MYO7A: variants seen among roughly 807,000 people sequenced by gnomAD.
MYO7A encodes the protein unconventional myosin-VIIa.
Under a neutral mutation model 263.8 loss-of-function variants are expected in MYO7A, and 210 were observed. The observed-to-expected ratio is 0.80, with a 90% CI of 0.71 to 0.89. The LOEUF is 0.89. Among genes scored for constraint, MYO7A ranks in the 40% least tolerant of loss-of-function variants. MYO7A has a pLI of 0.00. For missense variants in MYO7A, 2,820 were observed against 2,968.3 expected, an observed-to-expected ratio of 0.95 and a Z score of 1.16; for synonymous variants, 1,239 against 1,197.3, an observed-to-expected ratio of 1.03 and a Z score of -0.72.
At chr11:77,189,527 CTG>C (rs1555090540) in intron 28 of MYO7A, 57 bp downstream of exon 28, 2 of 1,604,610 alleles carry the variant, frequency 1.2e-6, no homozygotes, top group East Asian at 4.5e-5. Flanking sequence ...TGTCCCAGCA[CTG>C]TGGGGAGAGC....
At chr11:77,182,649 AGGGCCGCT>A (rs1555085638) in intron 25 of MYO7A, 49 bp downstream of exon 25, 5 of 1,599,100 alleles carry the variant, frequency 3.1e-6, no homozygotes, top group Non-Finnish European at 3.4e-6. Flanking sequence ...GCCGACAAGG[AGGGCCGCT>A]GGCATCACCA....
intron 3 of MYO7A, among the ~76,000 whole-genome samples, chr11:77,144,053 C>G (rs1555052348): frequency 2.0e-5 from 3 of 152,184 alleles, no homozygotes; most frequent in Non-Finnish European, 2.9e-5. Context: ...AGGGACCACA[C>G]AGCCAGTCAC....
chr11:77,158,031 T>G (rs531872158), intron 8 of MYO7A, among the ~76,000 whole-genome samples: 1 of 152,282 alleles, frequency 6.6e-6, no homozygotes, highest in South Asian at 2.1e-4. Context: ...TGCCTGCTCT[T>G]CATGGGAAGA....
At chr11:77,213,185 C>T in intron 47 of MYO7A, 150 bp downstream of exon 47, 4 of 674,604 alleles carry the variant, frequency 5.9e-6, no homozygotes, top group Non-Finnish European at 1.0e-5. Flanking sequence ...TCAGCGTTTG[C>T]TAGGACTTTA....
chr11:77,142,870 T>A, intron 3 of MYO7A, 48 bp downstream of exon 3: 1 of 1,440,806 alleles, frequency 6.9e-7, no homozygotes, highest in Non-Finnish European at 9.6e-7. Context: ...GGGTCAGACC[T>A]GGGCTGACAG....
In MYO7A at chr11:77,145,342, G is replaced by C. The variant is rs558669324; in HGVS notation, c.133-2456G>C. Among the ~76,000 whole-genome samples, 3 of 152,336 alleles carry C rather than the reference G, an allele frequency of 2.0e-5. No individual in the cohort carries two copies. The East Asian group carries it at 5.8e-4, about 29-fold the overall frequency. On this transcript the variant is annotated intron_variant, in intron 3 of 48. Transcript: ENST00000409709. ...CCTCCCAAAACCCCTGGGAAGAAGGGATTCTTACTCTCATTCCCATTTCAC... is the reference window on the plus strand; with the variant it reads ...CCTCCCAAAACCCCTGGGAAGAAGGCATTCTTACTCTCATTCCCATTTCAC...
rs782063761 is a variant in MYO7A at position 77,172,799 on chromosome 11, T to C, written c.1849T>C (p.Ser617Pro). 8 of 1,557,600 alleles carry C rather than the reference T, an allele frequency of 5.1e-6. No homozygotes were observed. The South Asian group carries it at 9.5e-5, about 18-fold the overall frequency. Residue 617 changes from serine (S) to proline (P), a missense_variant, in exon 16 of 49, where the codon TCA becomes CCA. By Grantham distance (74) the Ser-to-Pro change is moderately conservative (BLOSUM62 -1). Coordinates refer to ENST00000409709, the MANE Select transcript of MYO7A (RefSeq NM_000260.4). ...CACACTTAGCAGCCAGTTCAAGCGGTCACTGGAGCTGCTGATGCGCACGCT... is the reference window on the plus strand; with the variant it reads ...CACACTTAGCAGCCAGTTCAAGCGGCCACTGGAGCTGCTGATGCGCACGCT... ...SPTLSSQFKR[S>P]LELLMRTLGA...
rs886048676 is a variant in MYO7A at position 77,175,423 on chromosome 11, C to G, written c.2146C>G (p.His716Asp). ...CATGGCTGAGGCTGTGCTGGGCACC[C>G]ACGATGACTGGCAGATAGGCAAAAC... ...QRMAEAVLGT[H>D]DDWQIGKTKI... The change falls in exon 18 of 49, where the codon CAC becomes GAC. Residue 716 changes from histidine to aspartate, a missense_variant. By Grantham distance (81) the His-to-Asp change is moderately conservative (BLOSUM62 -1). Transcript: ENST00000409709. 4.3e-6 allele frequency: 7 copies of G among 1,613,274 alleles called. No individual in the cohort carries two copies. The highest frequency in any genetic ancestry group is 2.2e-5 in the East Asian group (1 of 44,892).
At chr11:77,137,613 G>A (rs1400998123) in intron 2 of MYO7A, among the ~76,000 whole-genome samples, 6 of 152,182 alleles carry the variant, frequency 3.9e-5, no homozygotes, top group South Asian at 4.1e-4. Flanking sequence ...GTGGACCGAC[G>A]CCTGGTGTCC....
At chr11:77,210,644 C>T (rs1957801265) in intron 44 of MYO7A, among the ~76,000 whole-genome samples, 1 of 152,204 alleles carries the variant, frequency 6.6e-6, no homozygotes, top group African/African-American at 2.4e-5. Flanking sequence ...TTCATCTCTG[C>T]TCTGGGCCCA....
chr11:77,192,724 C>T (rs1230884611), intron 31 of MYO7A, among the ~76,000 whole-genome samples: 1 of 151,346 alleles, frequency 6.6e-6, no homozygotes, highest in African/African-American at 2.4e-5. Flanking sequence ...GTAATGGTAG[C>T]TATGGTTCTG....
At position 77,192,273 on chromosome 11, in the gene MYO7A, GAGA is replaced by G; in HGVS notation, c.4150_4152del (p.Lys1384del). ...AGTCAAGTTTGGGGAGTACAGGTGT[GAGA>G]AGGTGAGTGGGAGGGAATCTTCCGC... On this transcript the variant is annotated inframe_deletion and splice_region_variant, in exon 31 of 49. Coordinates refer to ENST00000409709, the MANE Select transcript of MYO7A (RefSeq NM_000260.4). 6.2e-7 allele frequency: 1 copy of G among 1,613,874 alleles called. No homozygotes were observed. The highest frequency in any genetic ancestry group is 2.2e-5 in the East Asian group (1 of 44,874).
chr11:77,165,946 G>A, intron 14 of MYO7A, 110 bp from the exon 15 acceptor site: 5 of 738,116 alleles, frequency 6.8e-6, no homozygotes. Flanking sequence ...GTCATGAAAT[G>A]GATGTGGTGG....
At chr11:77,135,813 A>G (rs1046632612) in intron 2 of MYO7A, among the ~76,000 whole-genome samples, 2 of 151,994 alleles carry the variant, frequency 1.3e-5, no homozygotes, top group Non-Finnish European at 2.9e-5. Context: ...TGTGGTTTTG[A>G]TTTGCATTAT....
chr11:77,183,916 T>C (rs1201215512), intron 26 of MYO7A, among the ~76,000 whole-genome samples: 1 of 152,092 alleles, frequency 6.6e-6, no homozygotes, highest in East Asian at 1.9e-4. Flanking sequence ...TGCCGCTTAG[T>C]ATTCAAGGGA....
chr11:77,211,309 G>T lies in MYO7A; in HGVS notation c.6209G>T (p.Arg2070Leu). ...GAGCTGGTGCCCCAGGACCTTATCC[G>T]GCAGGTCTCACCTGATGACTGGAAG... ...LRELVPQDLI[R>L]QVSPDDWKRS... Residue 2070 changes from arginine (R) to leucine (L), a missense_variant, in exon 45 of 49, where the codon CGG becomes CTG. Coordinates refer to ENST00000409709, the MANE Select transcript of MYO7A (RefSeq NM_000260.4). The T allele has an allele frequency of 6.3e-7, 1 of 1,583,324 alleles. No homozygotes were observed. The highest frequency in any genetic ancestry group is 2.3e-5 in the East Asian group (1 of 43,118).
chr11:77,154,880 C>A (rs1161570338), intron 4 of MYO7A, among the ~76,000 whole-genome samples: 1 of 151,992 alleles, frequency 6.6e-6, no homozygotes, highest in South Asian at 2.1e-4. Flanking sequence ...CCCTGGCATG[C>A]GGTGCCTGCA....
chr11:77,175,222 G>A, intron 17 of MYO7A, 150 bp from the exon 18 acceptor site: 1 of 724,808 alleles, frequency 1.4e-6, no homozygotes, highest in Non-Finnish European at 2.3e-6. Context: ...AGAAAACTGG[G>A]GCTCAGAGAA....
At chr11:77,179,668 C>G in intron 20 of MYO7A, 67 bp from the exon 21 acceptor site, 3 of 1,405,904 alleles carry the variant, frequency 2.1e-6, no homozygotes, top group Non-Finnish European at 2.9e-6. Flanking sequence ...GCCATGGAAG[C>G]TCCTGCAGGC....
Sources: allele counts gnomAD v4.1 joint callset (sites outside exome capture counted in the v4.1 genomes callset), GRCh38; gene constraint gnomAD v4.1.1; transcripts MANE v1.5; gene names NCBI Gene and HGNC (gene_info 2026-07-23, HGNC 2026-07-21).